The following NUFIP1 variants were observed in gnomAD, a reference collection of about 807,000 sequenced individuals.
NUFIP1 encodes the protein nuclear FMR1 interacting protein 1.
A neutral mutation model predicts 56.2 loss-of-function variants in NUFIP1; 38 were observed. The ratio of observed to expected loss-of-function variants is 0.68; its 90% CI spans 0.52 to 0.89. NUFIP1 has a LOEUF of 0.89. NUFIP1 is among the 40% of genes least tolerant of loss of function. The pLI is 0.00. For synonymous variants in NUFIP1, 215 were observed against 212.4 expected (o/e 1.01, Z -0.10); for missense variants, 567 against 605.8 (o/e 0.94, Z 0.67).
chr13:44,955,606 G>C (rs906792397), intron 7 of NUFIP1, among the ~76,000 whole-genome samples: 2 of 152,176 alleles, frequency 1.3e-5, no homozygotes, highest in Non-Finnish European at 1.5e-5. Context: ...CACAGTGCTG[G>C]CCGCTGGCCT....
intron 6 of NUFIP1, among the ~76,000 whole-genome samples, chr13:44,960,307 C>T (rs992957208): frequency 6.6e-6 from 1 of 152,054 alleles, no homozygotes; most frequent in Non-Finnish European, 1.5e-5. Flanking sequence ...CTCACTCTGT[C>T]GCCCAGGCTG....
Position 44,959,519 on chromosome 13 carries a change from T to G in NUFIP1, c.883A>C (p.Lys295Gln), listed in dbSNP as rs1326638458. The change falls in exon 7 of 10, where the codon AAG (lysine) becomes CAG (glutamine). Residue 295 changes from lysine (K) to glutamine (Q), a missense_variant. Physicochemically the swap from Lys to Gln is moderately conservative, Grantham distance 53. Transcript: ENST00000379161. The stretch of plus-strand genomic sequence containing the variant: ...TTGTCGTTTTTCCATTTGTGATTCT[T>G]GCCAGGACTTCTGATCTTTGCCATT... ...SQMAKIRSPGKNHKWKNDNSR... is the reference protein window; with the variant it reads ...SQMAKIRSPGQNHKWKNDNSR... 6.2e-7 allele frequency: 1 copy of G among 1,614,118 alleles called. No individual in the cohort carries two copies. Among genetic ancestry groups the G allele is most frequent in the Non-Finnish European group, 8.5e-7 (1 of 1,180,028 alleles).
chr13:44,943,922 G>T (rs1870832069), intron 8 of NUFIP1, among the ~76,000 whole-genome samples: 1 of 152,106 alleles, frequency 6.6e-6, no homozygotes. Flanking sequence ...CTCTATGAAA[G>T]AAATAATGCC....
At chr13:44,988,654 G>A (rs1020020676) in intron 1 of NUFIP1, among the ~76,000 whole-genome samples, 1 of 152,138 alleles carries the variant, frequency 6.6e-6, no homozygotes, top group South Asian at 2.1e-4. Context: ...CTGGTACATA[G>A]TCGGAATTCA....
Position 44,989,360 on chromosome 13 carries a change from G to C in NUFIP1, c.77C>G (p.Pro26Arg). The C allele has an allele frequency of 6.2e-7, 1 of 1,613,402 alleles. No individual in the cohort carries two copies. The highest frequency in any genetic ancestry group is 1.1e-5 in the South Asian group (1 of 90,952). Residue 26 changes from proline (P) to arginine (R), a missense_variant, in exon 1 of 10, where the codon CCC (proline) becomes CGC (arginine). Transcript: ENST00000379161. ...CCGCGGCGGGGCAGTGTCGCTCAGG[G>C]GCCCTAACGTGGGAGTCAGCTCGGG... ...ASPELTPTLG[P>R]LSDTAPPRDS...
chr13:44,942,607 A>G (rs1870777942), intron 9 of NUFIP1, among the ~76,000 whole-genome samples: 1 of 152,174 alleles, frequency 6.6e-6, no homozygotes. Flanking sequence ...AAGTTTTATA[A>G]CTCCACTAAA....
intron 7 of NUFIP1, among the ~76,000 whole-genome samples, chr13:44,951,414 A>G (rs1396185482): frequency 1.3e-5 from 2 of 152,224 alleles, no homozygotes; most frequent in Admixed American, 6.5e-5. Context: ...TTTCCTTAAG[A>G]TAACTATAAA....
intron 6 of NUFIP1, among the ~76,000 whole-genome samples, chr13:44,959,936 T>C: frequency 7.1e-6 from 1 of 140,782 alleles, no homozygotes; most frequent in South Asian, 2.2e-4. Flanking sequence ...TTTTCTTCTC[T>C]TTTTTTTTTT....
At chr13:44,976,448 G>A (rs192820054) in intron 5 of NUFIP1, among the ~76,000 whole-genome samples, 6 of 151,208 alleles carry the variant, frequency 4.0e-5, no homozygotes, top group Admixed American at 1.3e-4. Context: ...AGGAAGAGGA[G>A]GAAGAGGAAG....
At position 44,960,978 on chromosome 13, in the gene NUFIP1, G is replaced by A. The variant is rs957555040; in HGVS notation, c.828-1404C>T. Among the ~76,000 whole-genome samples the A allele has an allele frequency of 4.0e-5, 6 of 151,526 alleles. No homozygotes were observed. In the South Asian group the frequency reaches 8.4e-4, roughly 21 times the overall value. On this transcript the variant is annotated intron_variant, in intron 6 of 9. Coordinates refer to ENST00000379161, the MANE Select transcript of NUFIP1 (RefSeq NM_012345.3). Reference sequence around the variant, plus strand: ...TGAAGCACAAGAATTGCTTAAACTCGGGAGGTGGAAGTCACAGTGGGCCGA... The same window carrying A: ...TGAAGCACAAGAATTGCTTAAACTCAGGAGGTGGAAGTCACAGTGGGCCGA...
At chr13:44,985,944 A>T (rs1223629599) in intron 1 of NUFIP1, among the ~76,000 whole-genome samples, 1 of 152,236 alleles carries the variant, frequency 6.6e-6, no homozygotes, top group African/African-American at 2.4e-5. Flanking sequence ...CTCTTGTGCC[A>T]AACGGCTAGC....
intron 5 of NUFIP1, among the ~76,000 whole-genome samples, chr13:44,967,464 C>T (rs904458065): frequency 6.6e-6 from 1 of 151,636 alleles, no homozygotes; most frequent in South Asian, 2.1e-4. Flanking sequence ...GCTGAGATCA[C>T]GCCACTGCAC....
chr13:44,982,204 T>TTATATATA lies in NUFIP1; in HGVS notation c.413-51_413-50insTATATATA, dbSNP rs1872219361. ...GTTTGCAACAATGTAATTATTTAAA[T>TTATATATA]TATAATTAAATTTTATCTACTACAG... On this transcript the variant is annotated intron_variant, in intron 1 of 9. Transcript: ENST00000379161. 7 of 917,966 alleles carry TTATATATA rather than the reference T, an allele frequency of 7.6e-6. No individual in the cohort carries two copies. The South Asian group carries it at 1.7e-4, about 22-fold the overall frequency. 56.9% of individuals were successfully genotyped at this position (917,966 alleles called of 1,614,324 possible).
chr13:44,956,128 C>T (rs956740463), intron 7 of NUFIP1, among the ~76,000 whole-genome samples: 3 of 131,226 alleles, frequency 2.3e-5, no homozygotes, highest in East Asian at 2.1e-4. Context: ...TGGGCGACAG[C>T]GAGACTCCGT....
rs1343232344 is a variant in NUFIP1, at chr13:44,949,818, G to A, written c.1042C>T (p.Pro348Ser). 3.1e-6 allele frequency: 5 copies of A among 1,613,902 alleles called. No homozygotes were observed. In the Admixed American group the frequency reaches 8.3e-5, roughly 27 times the overall value. Reference sequence around the variant, plus strand: ...TCCTTGGGTATCACAGAATGTTGTGGTTTCTCCTCCTTATCAGACTCTGAA... The same window carrying A: ...TCCTTGGGTATCACAGAATGTTGTGATTTCTCCTCCTTATCAGACTCTGAA... ...SDSESDKEEK[P>S]QHSVIPKEVT... The change falls in exon 8 of 10, where the codon CCA becomes TCA. Residue 348 changes from proline to serine, a missense_variant. Physicochemically the swap from Pro to Ser is moderately conservative, Grantham distance 74. Transcript: ENST00000379161.
chr13:44,954,054 G>A (rs1455671276), intron 7 of NUFIP1, among the ~76,000 whole-genome samples: 1 of 148,432 alleles, frequency 6.7e-6, no homozygotes, highest in Non-Finnish European at 1.5e-5. Flanking sequence ...GATCTACCTA[G>A]TAGTTCTAAT....
intron 7 of NUFIP1, 91 bp downstream of exon 7, chr13:44,959,290 A>G: frequency 2.5e-6 from 3 of 1,204,576 alleles, no homozygotes; most frequent in Non-Finnish European, 3.5e-6. Flanking sequence ...TACATTTGAT[A>G]TTAAACTTTC....
At chr13:44,943,764 C>T (rs1211294527) in intron 8 of NUFIP1, 90 bp from the exon 9 acceptor site, 2 of 918,310 alleles carry the variant, frequency 2.2e-6, no homozygotes, top group Non-Finnish European at 3.4e-6. Flanking sequence ...CCATAATAAT[C>T]CTCCTAGCCA....
rs1360381820 is a variant in NUFIP1, at chr13:44,949,667, C to T, written c.1138+55G>A. ...GGATGTTATTAATGCGCAGCATGCA[C>T]AAAAGGCAAAAAGCAACAAAACAAA... is the stretch of plus-strand genomic sequence containing the variant. On this transcript the variant is annotated intron_variant, in intron 8 of 9. Transcript: ENST00000379161. 2.7e-6 allele frequency: 3 copies of T among 1,126,828 alleles called. No individual in the cohort carries two copies. The East Asian group carries it at 7.3e-5, about 27-fold the overall frequency. The allele number at this position is 1,126,828 out of a possible 1,614,324, so 69.8% of individuals were successfully genotyped here.
Sources: allele counts gnomAD v4.1 joint callset (sites outside exome capture counted in the v4.1 genomes callset), GRCh38; gene constraint gnomAD v4.1.1; transcripts MANE v1.5; gene names NCBI Gene and HGNC (gene_info 2026-07-23, HGNC 2026-07-21).